Variants in TAFA2 observed in about 807,000 individuals in gnomAD.
The protein encoded by TAFA2 is chemokine-like protein TAFA-2.
In TAFA2, 7 loss-of-function variants were observed where a neutral mutation model predicts 18.8. That is an observed-to-expected ratio of 0.37 (90% confidence interval 0.21 to 0.70). The LOEUF (loss-of-function observed/expected upper bound fraction) is 0.70. TAFA2 is among the 30% of genes least tolerant of loss of function. The pLI is 0.53. For missense variants in TAFA2, 122 were observed against 158.1 expected (o/e 0.77, Z 1.23); for synonymous variants, 60 against 54.2 (o/e 1.11, Z -0.47).
At chr12:61,876,211 T>C (rs1874838729) in intron 1 of TAFA2, among the ~76,000 whole-genome samples, 1 of 152,182 alleles carries the variant, frequency 6.6e-6, no homozygotes, top group African/African-American at 2.4e-5. Context: ...TTGGGACTAG[T>C]TAAGACTTTC....
At chr12:61,924,555 C>T (rs1474198998) in intron 1 of TAFA2, among the ~76,000 whole-genome samples, 1 of 152,092 alleles carries the variant, frequency 6.6e-6, no homozygotes, top group African/African-American at 2.4e-5. Flanking sequence ...ATTTTGTCAC[C>T]ACCAGGCCTG....
intron 1 of TAFA2, among the ~76,000 whole-genome samples, chr12:61,923,083 C>T (rs552406319): frequency 1.3e-5 from 2 of 152,326 alleles, no homozygotes; most frequent in African/African-American, 2.4e-5. Flanking sequence ...GAAAGAAAGG[C>T]AGCAGCCCCA....
At chr12:62,228,586 G>C (rs2062798100) in intron 1 of TAFA2, among the ~76,000 whole-genome samples, 1 of 152,138 alleles carries the variant, frequency 6.6e-6, no homozygotes, top group South Asian at 2.1e-4. Context: ...ATTCTGGCTA[G>C]TATAAGATAG....
chr12:62,064,723 C>T (rs549295787), intron 1 of TAFA2, among the ~76,000 whole-genome samples: 19 of 152,124 alleles, frequency 1.2e-4, no homozygotes, highest in Admixed American at 7.9e-4. Flanking sequence ...ATTGCATTCC[C>T]TCATAAGTGC....
chr12:61,984,757 T>G (rs1399162422), intron 1 of TAFA2, among the ~76,000 whole-genome samples: 1 of 152,220 alleles, frequency 6.6e-6, no homozygotes, highest in Non-Finnish European at 1.5e-5. Context: ...GGTACAAGAA[T>G]GGACAGCTGG....
chr12:61,939,416 C>T (rs118102855), intron 1 of TAFA2, among the ~76,000 whole-genome samples: 3,558 of 152,108 alleles, frequency 0.023, 57 homozygotes, highest in Middle Eastern at 0.075. Context: ...CAATGTGTAT[C>T]TTTGGTTTAT....
At chr12:61,794,274 A>G (rs1295850745) in intron 2 of TAFA2, among the ~76,000 whole-genome samples, 1 of 152,074 alleles carries the variant, frequency 6.6e-6, no homozygotes, top group African/African-American at 2.4e-5. Context: ...ATTTGCTGAC[A>G]GCATGATCAC....
intron 1 of TAFA2, among the ~76,000 whole-genome samples, chr12:62,143,059 C>A (rs974342159): frequency 6.6e-6 from 1 of 152,146 alleles, no homozygotes; most frequent in Non-Finnish European, 1.5e-5. Flanking sequence ...TGCTATACAA[C>A]CCCTCCATAC....
intron 4 of TAFA2, among the ~76,000 whole-genome samples, chr12:61,714,737 A>T (rs1869568784): frequency 6.6e-6 from 1 of 152,232 alleles, no homozygotes; most frequent in Non-Finnish European, 1.5e-5. Context: ...ACAAAGTTGG[A>T]AGGAAATTCA....
At chr12:61,731,277 G>T (rs1870436381) in intron 4 of TAFA2, among the ~76,000 whole-genome samples, 1 of 152,020 alleles carries the variant, frequency 6.6e-6, no homozygotes, top group Admixed American at 6.6e-5. Context: ...CTGTCTTATG[G>T]AGTTTACTGG....
chr12:61,727,669 GC>G (rs1870235149), intron 4 of TAFA2, among the ~76,000 whole-genome samples: 1 of 151,864 alleles, frequency 6.6e-6, no homozygotes, highest in Non-Finnish European at 1.5e-5. Context: ...CAAAGAATCA[GC>G]TTTTTGTTTC....
At chr12:62,226,625 C>T (rs912484598) in intron 1 of TAFA2, among the ~76,000 whole-genome samples, 1 of 152,178 alleles carries the variant, frequency 6.6e-6, no homozygotes, top group African/African-American at 2.4e-5. Context: ...AACTCAAGCC[C>T]TTCAAACCCT....
At chr12:62,072,913 T>C (rs977348409) in intron 1 of TAFA2, among the ~76,000 whole-genome samples, 3 of 152,226 alleles carry the variant, frequency 2.0e-5, no homozygotes, top group African/African-American at 7.2e-5. Context: ...CTAGGATGAC[T>C]TATTCTTTTG....
intron 1 of TAFA2, among the ~76,000 whole-genome samples, chr12:62,151,771 AG>A (rs1401924312): frequency 6.6e-6 from 1 of 152,246 alleles, no homozygotes; most frequent in Non-Finnish European, 1.5e-5. Flanking sequence ...TTAGTCCAAC[AG>A]GGCTTCTAAG....
chr12:61,912,963 A>G (rs1876673680), intron 1 of TAFA2, among the ~76,000 whole-genome samples: 1 of 152,208 alleles, frequency 6.6e-6, no homozygotes, highest in Non-Finnish European at 1.5e-5. Flanking sequence ...CACACTGGGT[A>G]TATAAATGAG....
intron 2 of TAFA2, among the ~76,000 whole-genome samples, chr12:61,865,348 T>C (rs1032961426): frequency 1.3e-5 from 2 of 152,162 alleles, no homozygotes; most frequent in Non-Finnish European, 1.5e-5. Context: ...ACAACCCTTA[T>C]TATTTTATGT....
rs542581429 is a variant in TAFA2 at position 61,784,002 on chromosome 12, G to A, written c.107-28978C>T. Among the ~76,000 whole-genome samples, 3 of 151,554 alleles carry A rather than the reference G, an allele frequency of 2.0e-5. No homozygotes were observed. In the South Asian group the frequency reaches 6.2e-4, roughly 32 times the overall value. ...ATAAGTGGAAGATTAAATAGAAATA[G>A]GAGGCATAAAAACAGCATGGCTACT... On this transcript the variant is annotated intron_variant, in intron 2 of 4. Transcript: ENST00000416284.
chr12:61,836,744 T>TGG (rs1872940455), intron 2 of TAFA2, among the ~76,000 whole-genome samples: 1 of 143,054 alleles, frequency 7.0e-6, no homozygotes, highest in Non-Finnish European at 1.5e-5. Flanking sequence ...TATATATATA[T>TGG]ATATATATAT....
At chr12:61,772,082 T>C (rs1870053561) in intron 2 of TAFA2, among the ~76,000 whole-genome samples, 1 of 151,826 alleles carries the variant, frequency 6.6e-6, no homozygotes, top group Admixed American at 6.6e-5. Flanking sequence ...AAAAGATCAC[T>C]TAAGGATACT....
Sources: allele counts gnomAD v4.1 joint callset (sites outside exome capture counted in the v4.1 genomes callset), GRCh38; gene constraint gnomAD v4.1.1; transcripts MANE v1.5; gene names NCBI Gene and HGNC (gene_info 2026-07-23, HGNC 2026-07-21).